Variants in ULK4 observed in about 807,000 individuals in gnomAD.
ULK4 encodes unc-51 like kinase 4, also known as inactive serine/threonine-protein kinase ULK4.
In ULK4, 133 loss-of-function variants were observed where a neutral mutation model predicts 160.6. That is an observed-to-expected ratio of 0.83 (90% CI 0.72 to 0.96). The LOEUF is 0.96. Among genes scored for constraint, ULK4 ranks in the 40% least tolerant of loss-of-function variants. ULK4 has a pLI of 0.00. For missense variants in ULK4, 1,580 were observed against 1,499.5 expected, an observed-to-expected ratio of 1.05 and a Z score of -0.89; for synonymous variants, 534 against 539.8, an observed-to-expected ratio of 0.99 and a Z score of 0.15.
At chr3:41,787,299 T>G (rs977937020) in intron 21 of ULK4, among the ~76,000 whole-genome samples, 1 of 152,148 alleles carries the variant, frequency 6.6e-6, no homozygotes, top group Non-Finnish European at 1.5e-5. Flanking sequence ...TCCCCAGTGA[T>G]GAGGCATCCA....
rs995436230 is a variant in ULK4 at position 41,582,416 on chromosome 3, C to T, written c.3121-16286G>A. 4.6e-5 allele frequency among the ~76,000 whole-genome samples: 7 copies of T among 151,996 alleles called. 1 individual carries two copies. The highest frequency in any genetic ancestry group is 2.0e-4 in the Admixed American group (3 of 15,254). Reference sequence around the variant, plus strand: ...CTAGGATATTAATTTCTTTTGAATTCGGGGGATTAAAAACAAACTAGAAAT... The same window carrying T: ...CTAGGATATTAATTTCTTTTGAATTTGGGGGATTAAAAACAAACTAGAAAT... On this transcript the variant is annotated intron_variant, in intron 31 of 36. Coordinates refer to ENST00000301831, the MANE Select transcript of ULK4 (RefSeq NM_017886.4).
At chr3:41,715,980 G>A (rs1426919439) in intron 23 of ULK4, among the ~76,000 whole-genome samples, 8 of 151,658 alleles carry the variant, frequency 5.3e-5, no homozygotes, top group African/African-American at 1.2e-4. Context: ...TTGGGAGGCC[G>A]AGGTGGGCAG....
chr3:41,277,932 T>A (rs2079258778), intron 35 of ULK4: 1 of 152,364 alleles, frequency 6.6e-6, no homozygotes, highest in South Asian at 2.1e-4. Context: ...ACCTGGTTCT[T>A]CTCATGGGAT....
intron 31 of ULK4, among the ~76,000 whole-genome samples, chr3:41,567,277 A>T (rs1460844072): frequency 6.6e-6 from 1 of 152,122 alleles, no homozygotes; most frequent in East Asian, 1.9e-4. Flanking sequence ...AACAAAAAGC[A>T]TAATAAAAAA....
At chr3:41,498,485 A>T (rs1406566121) in intron 32 of ULK4, among the ~76,000 whole-genome samples, 1 of 152,192 alleles carries the variant, frequency 6.6e-6, no homozygotes, top group Non-Finnish European at 1.5e-5. Flanking sequence ...ATTAAACCCA[A>T]AGTAAATAGA....
chr3:41,518,579 G>A (rs2085825975), intron 32 of ULK4, among the ~76,000 whole-genome samples: 1 of 152,170 alleles, frequency 6.6e-6, no homozygotes, highest in South Asian at 2.1e-4. Context: ...AGTAATAACT[G>A]TCCTCACTTT....
chr3:41,544,238 TAA>T (rs1019152321), intron 32 of ULK4, among the ~76,000 whole-genome samples: 3 of 152,228 alleles, frequency 2.0e-5, no homozygotes, highest in Non-Finnish European at 2.9e-5. Context: ...GCTAATATTA[TAA>T]AGTCTATATT....
At chr3:41,844,036 C>T (rs979935274) in intron 17 of ULK4, among the ~76,000 whole-genome samples, 1 of 152,136 alleles carries the variant, frequency 6.6e-6, no homozygotes, top group Non-Finnish European at 1.5e-5. Flanking sequence ...GATTGGTGTA[C>T]TTACAATCCC....
At chr3:41,272,379 G>C (rs920973783) in intron 35 of ULK4, among the ~76,000 whole-genome samples, 4 of 127,168 alleles carry the variant, frequency 3.1e-5, no homozygotes, top group Non-Finnish European at 4.8e-5. Context: ...GCTGGAAATG[G>C]AATTCTAGGT....
chr3:41,349,023 C>A (rs777947524), intron 35 of ULK4, among the ~76,000 whole-genome samples: 2 of 152,150 alleles, frequency 1.3e-5, no homozygotes, highest in Non-Finnish European at 2.9e-5. Flanking sequence ...CCAAGTCAGC[C>A]TCTGAGACAC....
At chr3:41,554,345 C>A (rs931063665) in intron 32 of ULK4, among the ~76,000 whole-genome samples, 20 of 152,032 alleles carry the variant, frequency 1.3e-4, no homozygotes, top group African/African-American at 4.8e-4. Context: ...AACGTAATAT[C>A]TATACATGAT....
intron 21 of ULK4, among the ~76,000 whole-genome samples, chr3:41,774,056 T>C (rs2039510693): frequency 6.6e-6 from 1 of 152,134 alleles, no homozygotes; most frequent in Non-Finnish European, 1.5e-5. Flanking sequence ...CCTTACACCT[T>C]ATACAAAAAT....
chr3:41,736,720 T>C, intron 22 of ULK4, among the ~76,000 whole-genome samples: 1 of 149,826 alleles, frequency 6.7e-6, no homozygotes, highest in Non-Finnish European at 1.5e-5. Flanking sequence ...GTCAATTTTG[T>C]CTTTTGTTGC....
chr3:41,382,300 G>A (rs1010947775), intron 35 of ULK4, among the ~76,000 whole-genome samples: 3 of 152,180 alleles, frequency 2.0e-5, no homozygotes, highest in Admixed American at 2.0e-4. Context: ...GTGCCACAGA[G>A]CAGGCACTCA....
chr3:41,371,055 G>A (rs1409182742), intron 35 of ULK4, among the ~76,000 whole-genome samples: 6 of 152,290 alleles, frequency 3.9e-5, no homozygotes, highest in South Asian at 2.1e-4. Context: ...AGAGCCCACC[G>A]CAGCTCAGCA....
At chr3:41,249,294 A>G (rs149807159) in intron 36 of ULK4, among the ~76,000 whole-genome samples, 195 bp downstream of exon 36, 1,544 of 152,256 alleles carry the variant, frequency 0.01, 71 homozygotes, top group Admixed American at 0.08. Context: ...TTTCCCCACC[A>G]TAACTGGGGA....
At chr3:41,748,910 G>GCCCTC (rs964386126) in intron 22 of ULK4, among the ~76,000 whole-genome samples, 1 of 152,088 alleles carries the variant, frequency 6.6e-6, no homozygotes, top group African/African-American at 2.4e-5. Flanking sequence ...CAACTGCGTA[G>GCCCTC]CCCTCCATTC....
At chr3:41,927,902 T>C (rs1040254054) in intron 5 of ULK4, among the ~76,000 whole-genome samples, 5 of 152,118 alleles carry the variant, frequency 3.3e-5, no homozygotes, top group Non-Finnish European at 5.9e-5. Context: ...CACACCATAA[T>C]AGTGGGAGAC....
intron 35 of ULK4, among the ~76,000 whole-genome samples, chr3:41,262,886 A>C (rs758679828): frequency 6.6e-6 from 1 of 150,542 alleles, no homozygotes; most frequent in Non-Finnish European, 1.5e-5. Flanking sequence ...CAACTAACTA[A>C]CTACAACAGC....
Sources: allele counts gnomAD v4.1 joint callset (sites outside exome capture counted in the v4.1 genomes callset), GRCh38; gene constraint gnomAD v4.1.1; transcripts MANE v1.5; gene names NCBI Gene and HGNC (gene_info 2026-07-23, HGNC 2026-07-21).